ACTN4: variants seen among roughly 807,000 people sequenced by gnomAD.
ACTN4 encodes the protein actinin alpha 4, also known as alpha-actinin-4.
A neutral mutation model predicts 114.2 loss-of-function variants in ACTN4; 18 were observed. The observed-to-expected ratio is 0.16, with a 90% CI of 0.11 to 0.23. The LOEUF (loss-of-function observed/expected upper bound fraction) is 0.23, where lower values mean the gene tolerates loss of function less well. Ranked by LOEUF, ACTN4 falls within the 10% of genes least tolerant of loss-of-function variation. The pLI is 1.00. For synonymous variants in ACTN4, 515 were observed against 506.3 expected (o/e 1.02, Z -0.23); for missense variants, 722 against 1,262.9 (o/e 0.57, Z 6.49).
intron 1 of ACTN4, among the ~76,000 whole-genome samples, chr19:38,657,381 G>A (rs1194929634): frequency 2.6e-5 from 4 of 152,070 alleles, no homozygotes; most frequent in African/African-American, 9.7e-5. Flanking sequence ...GACCTTAAGC[G>A]ATCCACCCAC....
chr19:38,647,707 G>T lies in ACTN4; in HGVS notation c.-39G>T, dbSNP rs927944565. ...CGGGCAGAGGGGCGGGAGCTGAGGCGGGAGCGGACAGGCTGGTGGGCGAGC... is the reference window on the plus strand; with the variant it reads ...CGGGCAGAGGGGCGGGAGCTGAGGCTGGAGCGGACAGGCTGGTGGGCGAGC... On this transcript the variant is annotated 5_prime_UTR_variant, in exon 1 of 21. Transcript: ENST00000252699. The T allele has an allele frequency of 7.2e-6, 11 of 1,522,470 alleles. No homozygotes were observed. The highest frequency in any genetic ancestry group is 9.7e-6 in the Non-Finnish European group (11 of 1,136,032). 94.3% of individuals were successfully genotyped at this position (1,522,470 alleles called of 1,614,324 possible).
In ACTN4 at chr19:38,721,669, G is replaced by A. The variant is rs201279145; in HGVS notation, c.1423G>A (p.Ala475Thr). Residue 475 changes from alanine (A) to threonine (T), a missense_variant, in exon 12 of 21, where the codon GCC (alanine) becomes ACC (threonine). Around this residue, in one of 3 missense-constraint regions of ACTN4, gnomAD observed 523 missense variants for 875.9 expected, o/e 0.60. Transcript: ENST00000252699. ...CCAGGACCGCGTGGAGCAGATCGCC[G>A]CCATTGCCCAGGAGCTCAAGTACGT... ...AHQDRVEQIA[A>T]IAQELNELDY... The A allele has an allele frequency of 9.9e-6, 16 of 1,613,586 alleles. No homozygotes were observed. Among genetic ancestry groups the A allele is most frequent in the East Asian group, 4.5e-5 (2 of 44,886 alleles).
chr19:38,710,261 C>G lies in ACTN4; in HGVS notation c.738C>G (p.Ile246Met), dbSNP rs34491236. 7.4e-6 allele frequency: 12 copies of G among 1,614,132 alleles called. No individual in the cohort carries two copies. In the South Asian group the frequency reaches 1.3e-4, roughly 18 times the overall value. The part of the protein sequence containing the change: ...DIPKMLDAED[I>M]VNTARPDEKA... ...ACCCTTGTTGTTCACTTGCAGACAT[C>G]GTGAACACGGCCCGGCCCGACGAGA... Residue 246 changes from isoleucine (I) to methionine (M), a missense_variant, in exon 8 of 21, where the codon ATC becomes ATG. Physicochemically the swap from Ile to Met is conservative, Grantham distance 10. Transcript: ENST00000252699.
intron 1 of ACTN4, among the ~76,000 whole-genome samples, chr19:38,650,182 T>G (rs189794094): frequency 6.6e-6 from 1 of 152,244 alleles, no homozygotes; most frequent in Admixed American, 6.5e-5. Flanking sequence ...CTCCCCCTTT[T>G]TTCTCAGGTG....
rs1352650101 is a variant in ACTN4, at chr19:38,731,207, GT to G, written c.*1777del. ...GGCTGGTGAGGGTCTGGGTCAGCTG[GT>G]TGTTCAGGTGGAAGCCTAGGGGGAG... On this transcript the variant is annotated 3_prime_UTR_variant, in exon 21 of 21. Coordinates refer to ENST00000252699, the MANE Select transcript of ACTN4 (RefSeq NM_004924.6). The G allele has an allele frequency of 3.7e-6, 6 of 1,612,582 alleles. No homozygotes were observed. The highest frequency in any genetic ancestry group is 5.1e-6 in the Non-Finnish European group (6 of 1,179,986).
intron 1 of ACTN4, among the ~76,000 whole-genome samples, chr19:38,673,865 C>T (rs1167009120): frequency 9.8e-5 from 14 of 143,248 alleles, no homozygotes; most frequent in Non-Finnish European, 2.1e-4. Flanking sequence ...TCACTGCAAC[C>T]TCTGCCTCCC....
At position 38,731,209 on chromosome 19, in the gene ACTN4, T is replaced by G. The variant is rs764220707; in HGVS notation, c.*1777T>G. On this transcript the variant is annotated 3_prime_UTR_variant, in exon 21 of 21. Transcript: ENST00000252699. Reference sequence around the variant, plus strand: ...CTGGTGAGGGTCTGGGTCAGCTGGTTGTTCAGGTGGAAGCCTAGGGGGAGG... The same window carrying G: ...CTGGTGAGGGTCTGGGTCAGCTGGTGGTTCAGGTGGAAGCCTAGGGGGAGG... The G allele has an allele frequency of 1.6e-4, 253 of 1,612,564 alleles. No individual in the cohort carries two copies. The highest frequency in any genetic ancestry group is 2.0e-4 in the Non-Finnish European group (235 of 1,179,976).
At chr19:38,712,575 T>A (rs1968692760) in intron 8 of ACTN4, among the ~76,000 whole-genome samples, 3 of 151,872 alleles carry the variant, frequency 2.0e-5, no homozygotes, top group Admixed American at 1.3e-4. Flanking sequence ...CCTCTTCACC[T>A]CCTCAGCATG....
At chr19:38,706,235 A>G (rs1968455082) in intron 5 of ACTN4, 104 bp downstream of exon 5, 2 of 1,237,270 alleles carry the variant, frequency 1.6e-6, no homozygotes, top group African/African-American at 1.5e-5. Flanking sequence ...GTGAGATGCC[A>G]GCCCTCAGTC....
chr19:38,710,027 C>A (rs1968590198), intron 7 of ACTN4, among the ~76,000 whole-genome samples: 1 of 152,184 alleles, frequency 6.6e-6, no homozygotes. Flanking sequence ...TGAGGCCATT[C>A]TCAGAGAGAG....
At chr19:38,667,853 G>C (rs1967012233) in intron 1 of ACTN4, among the ~76,000 whole-genome samples, 1 of 152,110 alleles carries the variant, frequency 6.6e-6, no homozygotes, top group Admixed American at 6.5e-5. Context: ...TTTTCCTCTG[G>C]CTGGAAGTCT....
At position 38,647,663 on chromosome 19, in the gene ACTN4, G is replaced by T; in HGVS notation, c.-83G>T. The stretch of plus-strand genomic sequence containing the variant: ...GAGGGCGGGCTGAAGCAGCTGAAGC[G>T]GCGGTAGCGGCGGCGGCTCGGGCAG... On this transcript the variant is annotated 5_prime_UTR_variant, in exon 1 of 21. Coordinates refer to ENST00000252699, the MANE Select transcript of ACTN4 (RefSeq NM_004924.6). 6.8e-7 allele frequency: 1 copy of T among 1,471,528 alleles called. No homozygotes were observed. Among genetic ancestry groups the T allele is most frequent in the Non-Finnish European group, 9.0e-7 (1 of 1,109,342 alleles). 91.2% of individuals were successfully genotyped at this position (1,471,528 alleles called of 1,614,324 possible). A position where few individuals can be genotyped will look rare whatever the true frequency, so the allele number is the denominator to read the frequency against.
chr19:38,686,956 G>T (rs1967763700), intron 1 of ACTN4, among the ~76,000 whole-genome samples: 1 of 146,340 alleles, frequency 6.8e-6, no homozygotes, highest in South Asian at 2.2e-4. Flanking sequence ...AAATCTGGTG[G>T]CAGAGTCTCT....
At chr19:38,690,374 CT>C (rs935691826) in intron 1 of ACTN4, among the ~76,000 whole-genome samples, 1 of 152,258 alleles carries the variant, frequency 6.6e-6, no homozygotes, top group African/African-American at 2.4e-5. Flanking sequence ...CCCATTGCTG[CT>C]CATTCGGGCT....
intron 1 of ACTN4, among the ~76,000 whole-genome samples, chr19:38,679,387 ACCT>A (rs1967477781): frequency 6.6e-6 from 1 of 151,696 alleles, no homozygotes; most frequent in Admixed American, 6.6e-5. Flanking sequence ...ACTCCCCTCA[ACCT>A]CTGCAATATA....
rs766961963 is a variant in ACTN4 at position 38,708,199 on chromosome 19, AGT to A, written c.651+7_651+8del. ...TGAGTATGACAAGCTGAGGAAGGTG[AGT>A]GTCTCCAGCTCCCCTTGATGGCCCA... On this transcript the variant is annotated splice_donor_5th_base_variant and intron_variant, in intron 6 of 20. Transcript: ENST00000252699. 1 of 1,614,062 alleles carries A rather than the reference AGT, an allele frequency of 6.2e-7. No homozygotes were observed. Among genetic ancestry groups the A allele is most frequent in the Non-Finnish European group, 8.5e-7 (1 of 1,180,002 alleles).
intron 1 of ACTN4, among the ~76,000 whole-genome samples, chr19:38,689,960 A>G (rs553750500): frequency 3.3e-4 from 50 of 152,320 alleles, no homozygotes; most frequent in African/African-American, 1.0e-3. Context: ...GATCGCACCC[A>G]CCTTTAAACA....
rs1208145560 is a variant in ACTN4, at chr19:38,717,768, T to TG, written c.1144-153dup. ...AGAATTGATTGTACCTGCTGAGTGC[T>TG]GGGGGGCCCTGTGTAGGCATCCAGG... On this transcript the variant is annotated intron_variant, in intron 10 of 20. Coordinates refer to ENST00000252699, the MANE Select transcript of ACTN4 (RefSeq NM_004924.6). This position sits in a 1 kb window ranked among gnomAD's most constrained non-coding sequence, Gnocchi z 4.0. Among the ~76,000 whole-genome samples, 3 of 152,186 alleles carry TG rather than the reference T, an allele frequency of 2.0e-5. No individual in the cohort carries two copies. Among genetic ancestry groups the TG allele is most frequent in the African/African-American group, 7.2e-5 (3 of 41,448 alleles).
intron 1 of ACTN4, among the ~76,000 whole-genome samples, chr19:38,678,236 CG>C (rs1967440043): frequency 6.6e-6 from 1 of 152,190 alleles, no homozygotes; most frequent in Non-Finnish European, 1.5e-5. Flanking sequence ...GTGGCTAAAA[CG>C]CTGTAGACCT....
Sources: allele counts gnomAD v4.1 joint callset (sites outside exome capture counted in the v4.1 genomes callset), GRCh38; gene constraint gnomAD v4.1.1; regional missense constraint gnomAD v4.1.1; non-coding constraint Gnocchi (gnomAD v3.1); transcripts MANE v1.5; gene names NCBI Gene and HGNC (gene_info 2026-07-23, HGNC 2026-07-21).